Variants in LDLRAD4 observed in about 807,000 individuals in gnomAD.
LDLRAD4 encodes the protein low-density lipoprotein receptor class A domain-containing protein 4.
A neutral mutation model predicts 17.0 loss-of-function variants in LDLRAD4; 5 were observed. The observed-to-expected ratio is 0.29, with a 90% CI of 0.15 to 0.62. The LOEUF (loss-of-function observed/expected upper bound fraction) is 0.62. Ranked by LOEUF, LDLRAD4 falls within the 20% of genes least tolerant of loss-of-function variation. LDLRAD4 has a pLI of 0.84. For missense variants in LDLRAD4, 340 were observed against 424.7 expected (o/e 0.80, Z 1.75); for synonymous variants, 168 against 171.8 (o/e 0.98, Z 0.17).
At position 13,511,104 on chromosome 18, in the gene LDLRAD4, A is replaced by C. The variant is rs145888475; in HGVS notation, c.181+72720A>C. 6.6e-3 allele frequency among the ~76,000 whole-genome samples: 1,005 copies of C among 152,300 alleles called. 13 individuals are homozygous for C. The highest frequency in any genetic ancestry group is 0.023 in the African/African-American group (945 of 41,564). On this transcript the variant is annotated intron_variant, in intron 3 of 5. Transcript: ENST00000359446. Reference sequence around the variant, plus strand: ...TAGAAGTCATGGAACTCATGTCCTCACACACAGGATCTGTGAGGAGCGGCC... The same window carrying C: ...TAGAAGTCATGGAACTCATGTCCTCCCACACAGGATCTGTGAGGAGCGGCC...
chr18:13,458,657 CAGATATGACTA>C (rs2092274214), intron 3 of LDLRAD4, among the ~76,000 whole-genome samples: 1 of 152,208 alleles, frequency 6.6e-6, no homozygotes, highest in Non-Finnish European at 1.5e-5. Context: ...AGGGACTTTA[CAGATATGACTA>C]AGGCTAAGGA....
At chr18:13,492,740 T>C (rs951318409) in intron 3 of LDLRAD4, among the ~76,000 whole-genome samples, 3 of 152,170 alleles carry the variant, frequency 2.0e-5, no homozygotes, top group Admixed American at 2.0e-4. Context: ...TGGGGTGCCC[T>C]GGGAGCACCA....
chr18:13,357,490 C>A (rs1368547138), intron 1 of LDLRAD4, among the ~76,000 whole-genome samples: 4 of 151,824 alleles, frequency 2.6e-5, no homozygotes, highest in Admixed American at 2.6e-4. Context: ...CTGGATTTTG[C>A]TGACTGCAGA....
chr18:13,533,129 G>A (rs149804504), intron 3 of LDLRAD4, among the ~76,000 whole-genome samples: 6 of 152,288 alleles, frequency 3.9e-5, no homozygotes, highest in South Asian at 2.1e-4. Context: ...ATAAGCCAGC[G>A]ACCAATAGAC....
At chr18:13,332,748 T>A (rs557653477) in intron 1 of LDLRAD4, among the ~76,000 whole-genome samples, 2 of 152,122 alleles carry the variant, frequency 1.3e-5, no homozygotes, top group South Asian at 4.2e-4. Flanking sequence ...TTTTTTGTTT[T>A]TTTTTTTTGG....
At chr18:13,283,235 T>C (rs1268659120) in intron 1 of LDLRAD4, among the ~76,000 whole-genome samples, 7 of 152,248 alleles carry the variant, frequency 4.6e-5, no homozygotes, top group Non-Finnish European at 1.0e-4. Flanking sequence ...TCTTGCTATT[T>C]ATGCACATTT....
intron 1 of LDLRAD4, among the ~76,000 whole-genome samples, chr18:13,319,591 G>A (rs898141701): frequency 3.9e-5 from 6 of 152,178 alleles, no homozygotes; most frequent in Non-Finnish European, 8.8e-5. Flanking sequence ...TTGTGTGTGC[G>A]TGTTTTAGAT....
chr18:13,259,558 A>C lies in LDLRAD4; in HGVS notation c.-466-18547A>C, dbSNP rs552095359. ...GTCGGTAGCTCTTAGAGAAGTACTT[A>C]GTGAAAGAAACCACATGCCTTCAAA... is the stretch of plus-strand genomic sequence containing the variant. On this transcript the variant is annotated intron_variant, in intron 1 of 5. Coordinates refer to the LDLRAD4 transcript ENST00000399848. 1.2e-3 allele frequency among the ~76,000 whole-genome samples: 184 copies of C among 152,330 alleles called. 2 individuals carry two copies. Among genetic ancestry groups the C allele is most frequent in the Admixed American group, 2.5e-3 (39 of 15,308 alleles).
chr18:13,259,112 T>G (rs1208409516), intron 1 of LDLRAD4, among the ~76,000 whole-genome samples: 1 of 152,232 alleles, frequency 6.6e-6, no homozygotes, highest in Admixed American at 6.5e-5. Flanking sequence ...TGCAAGTTCA[T>G]AAGACTTCCT....
chr18:13,335,224 G>A (rs1030275845), intron 1 of LDLRAD4, among the ~76,000 whole-genome samples: 8 of 152,098 alleles, frequency 5.3e-5, no homozygotes, highest in East Asian at 1.9e-4. Flanking sequence ...CCTCTGGTTC[G>A]TTAGAGGGAA....
chr18:13,541,358 G>T (rs1376889244), intron 3 of LDLRAD4, among the ~76,000 whole-genome samples: 1 of 152,214 alleles, frequency 6.6e-6, no homozygotes, highest in Non-Finnish European at 1.5e-5. Flanking sequence ...CTTGGTTAAA[G>T]AAATTACAGA....
intron 3 of LDLRAD4, among the ~76,000 whole-genome samples, chr18:13,480,468 A>G (rs776405898): frequency 3.9e-4 from 60 of 152,194 alleles, no homozygotes; most frequent in Non-Finnish European, 7.9e-4. Flanking sequence ...CCTATTCTGT[A>G]TGGTACTGTA....
upstream of LDLRAD4, among the ~76,000 whole-genome samples, chr18:13,277,665 C>T (rs570755920): frequency 9.2e-5 from 14 of 152,300 alleles, no homozygotes; most frequent in African/African-American, 2.2e-4. Context: ...GGGGCCTGCC[C>T]GTCTTAGGTG....
At chr18:13,517,360 A>G (rs1475799832) in intron 3 of LDLRAD4, among the ~76,000 whole-genome samples, 1 of 152,228 alleles carries the variant, frequency 6.6e-6, no homozygotes, top group East Asian at 1.9e-4. Flanking sequence ...CATGTGGGAC[A>G]ACTGCCTGCA....
At chr18:13,578,973 G>A (rs1392332846) in intron 3 of LDLRAD4, among the ~76,000 whole-genome samples, 5 of 151,494 alleles carry the variant, frequency 3.3e-5, no homozygotes, top group African/African-American at 9.7e-5. Flanking sequence ...GGCAGATCAC[G>A]AGGTCAGGAG....
chr18:13,544,175 T>C (rs2094326097), intron 3 of LDLRAD4, among the ~76,000 whole-genome samples: 1 of 152,238 alleles, frequency 6.6e-6, no homozygotes, highest in African/African-American at 2.4e-5. Context: ...TGGGAAACTT[T>C]AGTGAAAAAC....
chr18:13,278,537 A>G (rs116834740), intron 1 of LDLRAD4, among the ~76,000 whole-genome samples: 2,702 of 152,298 alleles, frequency 0.018, 94 homozygotes, highest in African/African-American at 0.062. Context: ...TTCTCAGTTC[A>G]TCTGTGATTT....
At chr18:13,413,979 G>A (rs764745794) in intron 2 of LDLRAD4, among the ~76,000 whole-genome samples, 17 of 152,088 alleles carry the variant, frequency 1.1e-4, no homozygotes, top group African/African-American at 3.4e-4. Context: ...ACCCATACCC[G>A]AGGTTTTCTT....
chr18:13,636,796 A>G (rs7227699), intron 4 of LDLRAD4, among the ~76,000 whole-genome samples: 2,558 of 143,980 alleles, frequency 0.018, 83 homozygotes, highest in African/African-American at 0.063. Flanking sequence ...CACCGCACCC[A>G]GCAATTTTTT....
Sources: gnomAD v4.1 joint callset for allele counts (sites outside exome capture counted in the v4.1 genomes callset) on GRCh38, gnomAD v4.1.1 for gene constraint, MANE v1.5 for transcripts, NCBI Gene and HGNC (gene_info 2026-07-23, HGNC 2026-07-21) for gene names.